Variants in KCNT2 observed in about 807,000 individuals in gnomAD.
The protein encoded by KCNT2 is potassium channel subfamily T member 2.
A neutral mutation model predicts 153.8 loss-of-function variants in KCNT2; 67 were observed. The ratio of observed to expected loss-of-function variants is 0.44; its 90% CI spans 0.36 to 0.53. The LOEUF is 0.53. KCNT2 is among the 20% of genes least tolerant of loss of function. KCNT2 has a pLI of 0.00. For missense variants in KCNT2, 975 were observed against 1,354.8 expected, an observed-to-expected ratio of 0.72 and a Z score of 4.40; for synonymous variants, 500 against 458.8, an observed-to-expected ratio of 1.09 and a Z score of -1.15.
intron 1 of KCNT2, among the ~76,000 whole-genome samples, chr1:196,532,569 G>A (rs984254369): frequency 1.3e-5 from 2 of 151,474 alleles, no homozygotes; most frequent in Non-Finnish European, 2.9e-5. Context: ...TTAATTCTAT[G>A]TATATTATAT....
intron 12 of KCNT2, among the ~76,000 whole-genome samples, chr1:196,418,345 CAAACAAATAAAT>C (rs1272578357): frequency 2.0e-5 from 3 of 151,910 alleles, no homozygotes; most frequent in South Asian, 4.2e-4. Flanking sequence ...AAATAGACAA[CAAACAAATAAAT>C]AAACAAATAA....
chr1:196,568,941 G>A (rs974770708), intron 1 of KCNT2, among the ~76,000 whole-genome samples: 11 of 152,102 alleles, frequency 7.2e-5, no homozygotes, highest in African/African-American at 2.7e-4. Flanking sequence ...GTGCTCTCTT[G>A]TGATAACTTT....
chr1:196,565,901 T>C (rs1039929965), intron 1 of KCNT2, among the ~76,000 whole-genome samples: 1 of 151,732 alleles, frequency 6.6e-6, no homozygotes, highest in East Asian at 1.9e-4. Context: ...AGATTTAATG[T>C]ACAACACAGT....
At chr1:196,488,979 C>A (rs1178172586) in intron 3 of KCNT2, among the ~76,000 whole-genome samples, 1 of 151,960 alleles carries the variant, frequency 6.6e-6, no homozygotes, top group Non-Finnish European at 1.5e-5. Flanking sequence ...GCACAATACC[C>A]ATAAGGATTT....
chr1:196,565,164 T>C (rs1409161736), intron 1 of KCNT2, among the ~76,000 whole-genome samples: 2 of 146,038 alleles, frequency 1.4e-5, no homozygotes, highest in African/African-American at 5.0e-5. Flanking sequence ...AAGAAAAACA[T>C]ATAAATGGCC....
At chr1:196,519,335 C>T (rs1396025068) in intron 1 of KCNT2, among the ~76,000 whole-genome samples, 1 of 151,816 alleles carries the variant, frequency 6.6e-6, no homozygotes, top group African/African-American at 2.4e-5. Context: ...ACGCTGATAT[C>T]AAAAGTTAGA....
chr1:196,286,460 C>T (rs888281488), intron 22 of KCNT2, among the ~76,000 whole-genome samples: 2 of 152,090 alleles, frequency 1.3e-5, no homozygotes, highest in Non-Finnish European at 1.5e-5. Flanking sequence ...TGTCTATAAG[C>T]CACCCAGTCT....
At chr1:196,368,063 C>T (rs983914024) in intron 14 of KCNT2, among the ~76,000 whole-genome samples, 1 of 152,158 alleles carries the variant, frequency 6.6e-6, no homozygotes, top group Non-Finnish European at 1.5e-5. Flanking sequence ...AGATAGCCTG[C>T]TCTGGATGCT....
chr1:196,424,343 T>C (rs1297759291), intron 11 of KCNT2, among the ~76,000 whole-genome samples: 1 of 151,998 alleles, frequency 6.6e-6, no homozygotes, highest in Non-Finnish European at 1.5e-5. Flanking sequence ...ATGTTATTCA[T>C]GTTTATTGTG....
intron 12 of KCNT2, among the ~76,000 whole-genome samples, chr1:196,400,697 T>C (rs1346021718): frequency 1.3e-5 from 2 of 151,638 alleles, no homozygotes; most frequent in African/African-American, 4.8e-5. Context: ...AATGTAACAT[T>C]AATAATAAAA....
intron 22 of KCNT2, among the ~76,000 whole-genome samples, chr1:196,290,627 A>G (rs1341265298): frequency 2.0e-5 from 3 of 151,870 alleles, no homozygotes; most frequent in African/African-American, 4.8e-5. Flanking sequence ...CTTCATTTAT[A>G]TATCACCACT....
intron 1 of KCNT2, among the ~76,000 whole-genome samples, chr1:196,503,898 G>A (rs1308730389): frequency 6.6e-6 from 1 of 152,098 alleles, no homozygotes; most frequent in African/African-American, 2.4e-5. Flanking sequence ...CAGCTCACTG[G>A]AACACATGTA....
intron 8 of KCNT2, among the ~76,000 whole-genome samples, chr1:196,434,795 A>G: frequency 6.6e-6 from 1 of 151,800 alleles, no homozygotes; most frequent in South Asian, 2.1e-4. Flanking sequence ...GCCTTAAGAG[A>G]CATTGCAGCT....
At chr1:196,592,131 G>T (rs971761600) in intron 1 of KCNT2, among the ~76,000 whole-genome samples, 2 of 151,958 alleles carry the variant, frequency 1.3e-5, no homozygotes, top group Non-Finnish European at 2.9e-5. Flanking sequence ...ATCAACCGAT[G>T]AATGGATAAA....
intron 15 of KCNT2, among the ~76,000 whole-genome samples, chr1:196,341,512 A>G (rs1037465193): frequency 6.6e-6 from 1 of 151,994 alleles, no homozygotes; most frequent in African/African-American, 2.4e-5. Flanking sequence ...AATCCTCCAA[A>G]ATGTGTCACA....
At chr1:196,232,359 ATAATC>A (rs1270285244) in intron 27 of KCNT2, among the ~76,000 whole-genome samples, 1 of 151,818 alleles carries the variant, frequency 6.6e-6, no homozygotes, top group Non-Finnish European at 1.5e-5. Flanking sequence ...AGATAACAGT[ATAATC>A]CATTATTCTC....
chr1:196,331,381 T>G (rs1165821608), intron 17 of KCNT2, 120 bp from the exon 18 acceptor site: 2 of 669,742 alleles, frequency 3.0e-6, no homozygotes, highest in Non-Finnish European at 5.4e-6. Flanking sequence ...TGCAATTATA[T>G]TTTGATAAAG....
At chr1:196,458,145 T>C (rs1461971658) in intron 8 of KCNT2, among the ~76,000 whole-genome samples, 2 of 151,880 alleles carry the variant, frequency 1.3e-5, no homozygotes, top group Non-Finnish European at 2.9e-5. Context: ...TATAGGTGTA[T>C]AATATTCTCA....
At chr1:196,360,694 C>T (rs1160849743) in intron 14 of KCNT2, among the ~76,000 whole-genome samples, 2 of 151,996 alleles carry the variant, frequency 1.3e-5, no homozygotes, top group African/African-American at 4.8e-5. Context: ...AGAGGAAACC[C>T]CATGTGAGGA....
Sources: gnomAD v4.1 joint callset for allele counts (sites outside exome capture counted in the v4.1 genomes callset) on GRCh38, gnomAD v4.1.1 for gene constraint, MANE v1.5 for transcripts, NCBI Gene and HGNC (gene_info 2026-07-23, HGNC 2026-07-21) for gene names.